KANK2: variants seen among roughly 807,000 people sequenced by gnomAD.
KANK2 encodes the protein KN motif and ankyrin repeat domains 2.
A neutral mutation model predicts 74.6 loss-of-function variants in KANK2; 41 were observed. The observed-to-expected ratio is 0.55, with a 90% confidence interval of 0.43 to 0.71. KANK2 has a LOEUF of 0.71. KANK2 is among the 30% of genes least tolerant of loss of function. KANK2 has a pLI of 0.00. For synonymous variants in KANK2, 537 were observed against 519.0 expected, an observed-to-expected ratio of 1.03 and a Z score of -0.47; for missense variants, 1,148 against 1,196.4, an observed-to-expected ratio of 0.96 and a Z score of 0.60.
At chr19:11,173,160 G>T (rs763338230) in intron 9 of KANK2, 37 bp from the exon 10 acceptor site, 1 of 1,590,528 alleles carries the variant, frequency 6.3e-7, no homozygotes, top group African/African-American at 1.3e-5. Flanking sequence ...ACCAGGGATC[G>T]CTGCTAGTGG....
At chr19:11,174,166 T>C (rs918553048) in intron 9 of KANK2, among the ~76,000 whole-genome samples, 10 of 149,772 alleles carry the variant, frequency 6.7e-5, no homozygotes, top group Non-Finnish European at 1.5e-5. Context: ...TGGCATCTCC[T>C]CCATCAGACT....
rs770266562 is a variant in KANK2, at chr19:11,193,409, C to T, written c.671G>A (p.Arg224Gln). ...GCTCTTAAGTTGTACTGTGAGCTGC[C>T]GCTTTTCCTCCTGGAGCACCGAGAG... Reference protein sequence around the residue: ...VKLSVLQEEKRQLTVQLKSQK... With the variant: ...VKLSVLQEEKQQLTVQLKSQK... The change falls in exon 4 of 13, where the codon CGG (arginine) becomes CAG (glutamine). Residue 224 changes from arginine (R) to glutamine (Q), a missense_variant. Coordinates refer to ENST00000586659, the MANE Select transcript of KANK2 (RefSeq NM_001136191.3). This position sits in a 1 kb window ranked among gnomAD's most constrained non-coding sequence, Gnocchi z 9.6. 2.2e-5 allele frequency: 35 copies of T among 1,612,212 alleles called. No individual in the cohort carries two copies. Among genetic ancestry groups the T allele is most frequent in the Non-Finnish European group, 2.8e-5 (33 of 1,179,854 alleles).
At chr19:11,196,056 TC>T (rs1252204259) in intron 1 of KANK2, 1 of 131,268 alleles carries the variant, frequency 7.6e-6, no homozygotes, top group Non-Finnish European at 1.6e-5. Context: ...TAACATCAAC[TC>T]TTTTTTTTTT....
Position 11,193,550 on chromosome 19 carries a change from G to A in KANK2, c.530C>T (p.Pro177Leu), listed in dbSNP as rs748661100. 6.2e-6 allele frequency: 10 copies of A among 1,603,978 alleles called. No homozygotes were observed. Among genetic ancestry groups the A allele is most frequent in the East Asian group, 2.2e-5 (1 of 44,854 alleles). ...CAGGTGCCCGGCACTGGGAGGCACC[G>A]GTGTGGACAGTCCTGAACTCCGTGG... Reference protein sequence around the residue: ...PTPRSSGLSTPVPPSAGHLAH... With the variant: ...PTPRSSGLSTLVPPSAGHLAH... Residue 177 changes from proline (P) to leucine (L), a missense_variant, in exon 4 of 13, where the codon CCG becomes CTG. By Grantham distance (98) the Pro-to-Leu change is moderately conservative. Coordinates refer to ENST00000586659, the MANE Select transcript of KANK2 (RefSeq NM_001136191.3). This position sits in a 1 kb window ranked among gnomAD's most constrained non-coding sequence, Gnocchi z 9.6.
intron 8 of KANK2, 71 bp from the exon 9 acceptor site, chr19:11,174,763 G>T: frequency 7.9e-7 from 1 of 1,264,014 alleles, no homozygotes; most frequent in Non-Finnish European, 1.1e-6. Context: ...CACCCCAGAT[G>T]CGCCCCCGGA....
At chr19:11,174,156 T>TGGCATCTCCTCCATCAGACTGGGAGGGC (rs1285169924) in intron 9 of KANK2, among the ~76,000 whole-genome samples, 3 of 149,896 alleles carry the variant, frequency 2.0e-5, no homozygotes, top group Non-Finnish European at 4.4e-5. Context: ...CCTGGGAGGG[T>TGGCATCTCCTCCATCAGACTGGGAGGGC]GGCATCTCCT....
At position 11,172,934 on chromosome 19, in the gene KANK2, A is replaced by C. The variant is rs897077132; in HGVS notation, c.2211+47T>G. 6 of 1,593,978 alleles carry C rather than the reference A, an allele frequency of 3.8e-6. No homozygotes were observed. In the African/African-American group the frequency reaches 8.0e-5, roughly 21 times the overall value. On this transcript the variant is annotated intron_variant, in intron 10 of 12. Coordinates refer to ENST00000586659, the MANE Select transcript of KANK2 (RefSeq NM_001136191.3). ...GCCTGTCACTCAGCTGGGATGTCAT[A>C]AAGTAGGAAGAGCCACCTGGATCTG...
chr19:11,193,411 C>T lies in KANK2; in HGVS notation c.669G>A (p.Lys223=), dbSNP rs773234695. The T allele has an allele frequency of 8.7e-6, 14 of 1,612,242 alleles. No homozygotes were observed. Among genetic ancestry groups the T allele is most frequent in the African/African-American group, 1.3e-5 (1 of 74,790 alleles). The change falls in exon 4 of 13, where the codon AAG becomes AAA. Residue 223 remains lysine (K), a synonymous_variant. Coordinates refer to ENST00000586659, the MANE Select transcript of KANK2 (RefSeq NM_001136191.3). The surrounding 1 kb of genome is among the most constrained non-coding windows in gnomAD (Gnocchi z 9.6). Reference sequence around the variant, plus strand: ...TCTTAAGTTGTACTGTGAGCTGCCGCTTTTCCTCCTGGAGCACCGAGAGCT... The same window carrying T: ...TCTTAAGTTGTACTGTGAGCTGCCGTTTTTCCTCCTGGAGCACCGAGAGCT... ...QVKLSVLQEE[K]RQLTVQLKSQ... is the part of the protein sequence containing the mutation.
chr19:11,184,108 G>A (rs1051507474), intron 4 of KANK2, among the ~76,000 whole-genome samples: 29 of 152,172 alleles, frequency 1.9e-4, no homozygotes, highest in African/African-American at 4.1e-4. Flanking sequence ...CAGGCATGGT[G>A]GCTCATGCCT....
In KANK2 at chr19:11,193,302, C is replaced by T; in HGVS notation, c.778G>A (p.Val260Met). Reference sequence around the variant, plus strand: ...CCCACACTCCGGGTCTCCAGTGCCACTGGGTCCTCTGGGGGATCGGGGAGG... The same window carrying T: ...CCCACACTCCGGGTCTCCAGTGCCATTGGGTCCTCTGGGGGATCGGGGAGG... The part of the protein sequence containing the change: ...LDLPDPPEDP[V>M]ALETRSVGTW... The change falls in exon 4 of 13, where the codon GTG becomes ATG. Residue 260 changes from valine to methionine, a missense_variant. By Grantham distance (21) the Val-to-Met change is conservative. Coordinates refer to ENST00000586659, the MANE Select transcript of KANK2 (RefSeq NM_001136191.3). The surrounding 1 kb of genome is among the most constrained non-coding windows in gnomAD (Gnocchi z 9.6). 1 of 1,612,358 alleles carries T rather than the reference C, an allele frequency of 6.2e-7. No individual in the cohort carries two copies. The highest frequency in any genetic ancestry group is 8.5e-7 in the Non-Finnish European group (1 of 1,179,922).
In KANK2 at chr19:11,170,141, G is replaced by A; in HGVS notation, c.2319C>T (p.Ser773=). Residue 773 remains serine, a synonymous_variant, in exon 11 of 13, where the codon TCC becomes TCT. Coordinates refer to ENST00000586659, the MANE Select transcript of KANK2 (RefSeq NM_001136191.3). The surrounding 1 kb of genome is among the most constrained non-coding windows in gnomAD (Gnocchi z 5.2). The stretch of plus-strand genomic sequence containing the variant: ...GCTCACAGGCGCACATGAGGGCCGT[G>A]GAGCCGTCATCATCTTGCACGTTGA... ...ADVNVQDDDG[S]TALMCACEHG... is the part of the protein sequence containing the mutation. The A allele has an allele frequency of 6.2e-7, 1 of 1,612,722 alleles. No homozygotes were observed. Among genetic ancestry groups the A allele is most frequent in the Non-Finnish European group, 8.5e-7 (1 of 1,180,016 alleles).
Position 11,176,807 on chromosome 19 carries a change from A to G in KANK2, c.1531T>C (p.Ser511Pro). 1 of 1,521,760 alleles carries G rather than the reference A, an allele frequency of 6.6e-7. No homozygotes were observed. Among genetic ancestry groups the G allele is most frequent in the East Asian group, 2.4e-5 (1 of 42,092 alleles). 94.3% of individuals were successfully genotyped at this position (1,521,760 alleles called of 1,614,324 possible). A position where few individuals can be genotyped will look rare whatever the true frequency, so the allele number is the denominator to read the frequency against. ...TCTGCTGTGCTGGAGTCCTCGGATGACGACTCATACCTGGGGAGGAACGAG... is the reference window on the plus strand; with the variant it reads ...TCTGCTGTGCTGGAGTCCTCGGATGGCGACTCATACCTGGGGAGGAACGAG... ...FVGVNGGYES[S>P]SEDSSTAENI... The change falls in exon 7 of 13, where the codon TCA (serine) becomes CCA (proline). Residue 511 changes from serine to proline, a missense_variant. By Grantham distance (74) the Ser-to-Pro change is moderately conservative. Coordinates refer to ENST00000586659, the MANE Select transcript of KANK2 (RefSeq NM_001136191.3).
At chr19:11,197,427 T>G (rs2079055970) in intron 1 of KANK2, 58 bp downstream of exon 1, 1 of 149,900 alleles carries the variant, frequency 6.7e-6, no homozygotes, top group African/African-American at 2.5e-5. Context: ...GTGGAGGGGG[T>G]GCACACTCGA....
intron 4 of KANK2, among the ~76,000 whole-genome samples, chr19:11,185,428 GC>G (rs1257120042): frequency 6.7e-6 from 1 of 149,138 alleles, no homozygotes; most frequent in African/African-American, 2.5e-5. Context: ...TGATCCTTCT[GC>G]CTTGGCCTCC....
At chr19:11,190,918 A>C (rs527881046) in intron 4 of KANK2, among the ~76,000 whole-genome samples, 1 of 151,310 alleles carries the variant, frequency 6.6e-6, no homozygotes, top group South Asian at 2.1e-4. Flanking sequence ...TTTAGTAGAG[A>C]CAGGGTTTCA....
Position 11,193,553 on chromosome 19 carries a change from G to A in KANK2, c.527C>T (p.Thr176Ile). ...GTGCCCGGCACTGGGAGGCACCGGT[G>A]TGGACAGTCCTGAACTCCGTGGTGT... ...PPTPRSSGLSTPVPPSAGHLA... is the reference protein window; with the variant it reads ...PPTPRSSGLSIPVPPSAGHLA... Residue 176 changes from threonine (T) to isoleucine (I), a missense_variant, in exon 4 of 13, where the codon ACA (threonine) becomes ATA (isoleucine). Physicochemically the swap from Thr to Ile is moderately conservative, Grantham distance 89 (BLOSUM62 -1). Coordinates refer to ENST00000586659, the MANE Select transcript of KANK2 (RefSeq NM_001136191.3). This position sits in a 1 kb window ranked among gnomAD's most constrained non-coding sequence, Gnocchi z 9.6. 6.2e-7 allele frequency: 1 copy of A among 1,604,092 alleles called. No individual in the cohort carries two copies. The highest frequency in any genetic ancestry group is 8.5e-7 in the Non-Finnish European group (1 of 1,178,580).
At position 11,193,418 on chromosome 19, in the gene KANK2, TCCTGGAGCACCGAGAGCTTCA is replaced by T; in HGVS notation, c.641_661del (p.Val214_Gln220del). 1 of 1,612,252 alleles carries T rather than the reference TCCTGGAGCACCGAGAGCTTCA, an allele frequency of 6.2e-7. No homozygotes were observed. The highest frequency in any genetic ancestry group is 1.1e-5 in the South Asian group (1 of 91,046). On this transcript the variant is annotated inframe_deletion, in exon 4 of 13. Coordinates refer to ENST00000586659, the MANE Select transcript of KANK2 (RefSeq NM_001136191.3). The surrounding 1 kb of genome is among the most constrained non-coding windows in gnomAD (Gnocchi z 9.6). ...TTGTACTGTGAGCTGCCGCTTTTCCTCCTGGAGCACCGAGAGCTTCACCTGGAGCACAGGGATCAGCTTCAC... is the reference window on the plus strand; with the variant it reads ...TTGTACTGTGAGCTGCCGCTTTTCCTCCTGGAGCACAGGGATCAGCTTCAC...
Position 11,193,886 on chromosome 19 carries a change from T to C in KANK2, c.194A>G (p.Gln65Arg). The C allele has an allele frequency of 6.2e-7, 1 of 1,613,590 alleles. No homozygotes were observed. Among genetic ancestry groups the C allele is most frequent in the Non-Finnish European group, 8.5e-7 (1 of 1,179,918 alleles). Residue 65 changes from glutamine (Q) to arginine (R), a missense_variant, in exon 4 of 13, where the codon CAG becomes CGG. Coordinates refer to ENST00000586659, the MANE Select transcript of KANK2 (RefSeq NM_001136191.3). This position sits in a 1 kb window ranked among gnomAD's most constrained non-coding sequence, Gnocchi z 9.6. ...CAGCGAGCTCAGGCGGGGGCGGCGC[T>C]GCACTGCCACGCGTCGCAGCGTGTG... ...KGHTLRRVAVQRRPRLSSLPR... is the reference protein window; with the variant it reads ...KGHTLRRVAVRRRPRLSSLPR...
intron 10 of KANK2, among the ~76,000 whole-genome samples, chr19:11,171,648 T>A (rs2078176328): frequency 6.6e-6 from 1 of 151,846 alleles, no homozygotes; most frequent in South Asian, 2.1e-4. Context: ...GTGCTGGGGT[T>A]ACAGGCATGA....
Sources: allele counts gnomAD v4.1 joint callset (sites outside exome capture counted in the v4.1 genomes callset), GRCh38; gene constraint gnomAD v4.1.1; non-coding constraint Gnocchi (gnomAD v3.1); transcripts MANE v1.5; gene names NCBI Gene and HGNC (gene_info 2026-07-23, HGNC 2026-07-21).